The following JAK2 variants were observed in gnomAD, a reference collection of about 807,000 sequenced individuals.
The protein encoded by JAK2 is tyrosine-protein kinase JAK2.
JAK2 carries 86 observed loss-of-function variants against 139.3 expected under a neutral mutation model. The observed-to-expected ratio is 0.62, with a 90% CI of 0.52 to 0.74. The LOEUF (loss-of-function observed/expected upper bound fraction) is 0.74. Among genes scored for constraint, JAK2 ranks in the 30% least tolerant of loss-of-function variants. The pLI, the probability that JAK2 is intolerant of heterozygous loss-of-function variation, is 0.00. For synonymous variants in JAK2, 490 were observed against 437.7 expected, an observed-to-expected ratio of 1.12 and a Z score of -1.49; for missense variants, 1,421 against 1,360.3, an observed-to-expected ratio of 1.04 and a Z score of -0.70.
chr9:5,100,007 T>C (rs1821343309), intron 22 of JAK2: 1 of 152,240 alleles, frequency 6.6e-6, no homozygotes, highest in East Asian at 1.9e-4. Context: ...AGCCTATTTA[T>C]TCAACCAATA....
At chr9:5,102,927 C>T (rs955692999) in intron 22 of JAK2, among the ~76,000 whole-genome samples, 2 of 151,992 alleles carry the variant, frequency 1.3e-5, no homozygotes, top group African/African-American at 4.8e-5. Context: ...CCAGTAGCAG[C>T]CACTGCAAAA....
At chr9:5,084,078 T>A (rs190595098) in intron 19 of JAK2, among the ~76,000 whole-genome samples, 5 of 152,278 alleles carry the variant, frequency 3.3e-5, no homozygotes, top group Admixed American at 3.3e-4. Context: ...TTTTTAGTGT[T>A]TTCCATAGTT....
chr9:5,096,381 TCAA>T (rs1820986357), intron 22 of JAK2, among the ~76,000 whole-genome samples: 1 of 152,132 alleles, frequency 6.6e-6, no homozygotes, highest in Non-Finnish European at 1.5e-5. Flanking sequence ...TGAACGCAAA[TCAA>T]CCACTTTAAT....
chr9:5,081,908 G>A, intron 19 of JAK2, 47 bp downstream of exon 19: 1 of 1,490,016 alleles, frequency 6.7e-7, no homozygotes, highest in Non-Finnish European at 9.3e-7. Flanking sequence ...ATTTCATTTA[G>A]GAAAAACTTA....
chr9:5,026,562 C>G (rs563604203), intron 3 of JAK2, among the ~76,000 whole-genome samples: 5 of 152,146 alleles, frequency 3.3e-5, no homozygotes, highest in African/African-American at 1.2e-4. Context: ...TTCTGTGAGC[C>G]TTATGTTTTA....
intron 4 of JAK2, among the ~76,000 whole-genome samples, chr9:5,039,916 C>G (rs779403041): frequency 2.6e-5 from 4 of 152,110 alleles, no homozygotes; most frequent in Non-Finnish European, 4.4e-5. Flanking sequence ...CAATGCAATT[C>G]CTACTGAATT....
intron 4 of JAK2, chr9:5,041,660 G>A (rs1366205312): frequency 5.9e-6 from 3 of 509,436 alleles, no homozygotes; most frequent in South Asian, 1.5e-5. Context: ...ACTACCTGCG[G>A]AAGCTCTCCA....
At chr9:5,061,108 T>G (rs1452403150) in intron 8 of JAK2, among the ~76,000 whole-genome samples, 2 of 152,254 alleles carry the variant, frequency 1.3e-5, no homozygotes, top group Non-Finnish European at 2.9e-5. Context: ...ACAATAGATG[T>G]GCTGTCATCC....
intron 22 of JAK2, among the ~76,000 whole-genome samples, chr9:5,092,077 TAC>T (rs1038251968): frequency 5.9e-5 from 9 of 152,120 alleles, no homozygotes; most frequent in Admixed American, 3.3e-4. Context: ...GTTGTCCTAT[TAC>T]AGCACCTAAG....
intron 2 of JAK2, among the ~76,000 whole-genome samples, chr9:5,006,122 A>G (rs1821285066): frequency 6.6e-6 from 1 of 152,192 alleles, no homozygotes; most frequent in South Asian, 2.1e-4. Flanking sequence ...CTTCCTACCC[A>G]TGAGCATGGA....
intron 2 of JAK2, among the ~76,000 whole-genome samples, chr9:5,012,683 A>C (rs535557800): frequency 4.7e-4 from 71 of 152,334 alleles, no homozygotes; most frequent in African/African-American, 1.6e-3. Context: ...GGATTTTTCT[A>C]CCTGCTAAGA....
At chr9:5,037,045 G>A (rs199752134) in intron 4 of JAK2, among the ~76,000 whole-genome samples, 29 of 152,134 alleles carry the variant, frequency 1.9e-4, no homozygotes, top group East Asian at 9.6e-4. Flanking sequence ...AAAAGTGGGC[G>A]AAGGATACGA....
intron 22 of JAK2, chr9:5,100,794 T>A (rs1026888068): frequency 2.6e-5 from 4 of 152,376 alleles, no homozygotes; most frequent in Non-Finnish European, 5.9e-5. Context: ...CCCCTTTTAC[T>A]ATCTCTGATG....
At chr9:5,028,288 A>T (rs1007203229) in intron 3 of JAK2, among the ~76,000 whole-genome samples, 1 of 152,190 alleles carries the variant, frequency 6.6e-6, no homozygotes, top group Non-Finnish European at 1.5e-5. Flanking sequence ...GAGTAATAAT[A>T]CTTGGACAGG....
At chr9:5,011,364 T>A (rs78962118) in intron 2 of JAK2, among the ~76,000 whole-genome samples, 100 of 151,926 alleles carry the variant, frequency 6.6e-4, no homozygotes, top group East Asian at 1.4e-3. Context: ...TAAAAAAAAA[T>A]TTTTTTGTAG....
intron 8 of JAK2, among the ~76,000 whole-genome samples, chr9:5,062,020 T>G (rs576478519): frequency 7.9e-5 from 12 of 152,206 alleles, no homozygotes; most frequent in African/African-American, 2.9e-4. Context: ...ATATACAAAT[T>G]TATCACTTAA....
At chr9:5,104,769 A>C (rs1223668130) in intron 22 of JAK2, among the ~76,000 whole-genome samples, 1 of 152,182 alleles carries the variant, frequency 6.6e-6, no homozygotes, top group Non-Finnish European at 1.5e-5. Context: ...CAAATCAATA[A>C]ACGTAATCCA....
chr9:5,079,733 TC>T (rs1819550820), intron 16 of JAK2, among the ~76,000 whole-genome samples: 1 of 152,040 alleles, frequency 6.6e-6, no homozygotes, highest in South Asian at 2.1e-4. Context: ...CTTGGGTGGA[TC>T]ACTTAAGCCC....
chr9:5,069,161 A>G lies in JAK2; in HGVS notation c.1466A>G (p.Asp489Gly). The change falls in exon 11 of 25, where the codon GAC becomes GGC. Residue 489 changes from aspartate to glycine, a missense_variant. Coordinates refer to ENST00000381652, the MANE Select transcript of JAK2 (RefSeq NM_004972.4). The part of the protein sequence containing the change: ...NCYQMETVRS[D>G]NIIFQFTKCC... ...TACCAGATGGAAACTGTTCGCTCAG[A>G]CAATATAATTTTCCAGTTTACTAAA... The G allele has an allele frequency of 6.2e-7, 1 of 1,611,452 alleles. No individual in the cohort carries two copies. Among genetic ancestry groups the G allele is most frequent in the Non-Finnish European group, 8.5e-7 (1 of 1,179,150 alleles).
Sources: gnomAD v4.1 joint callset for allele counts (sites outside exome capture counted in the v4.1 genomes callset) on GRCh38, gnomAD v4.1.1 for gene constraint, MANE v1.5 for transcripts, NCBI Gene and HGNC (gene_info 2026-07-23, HGNC 2026-07-21) for gene names.